The following CAMTA1 variants were observed in gnomAD, a reference collection of about 807,000 sequenced individuals.
CAMTA1 encodes calmodulin-binding transcription activator 1.
A neutral mutation model predicts 170.9 loss-of-function variants in CAMTA1; 27 were observed. The observed-to-expected ratio is 0.16, with a 90% CI of 0.12 to 0.22. The LOEUF is 0.22. Among genes scored for constraint, CAMTA1 ranks in the 10% least tolerant of loss-of-function variants. CAMTA1 has a pLI of 1.00. For missense variants in CAMTA1, 1,619 were observed against 2,217.2 expected, an observed-to-expected ratio of 0.73 and a Z score of 5.42; for synonymous variants, 833 against 891.5, an observed-to-expected ratio of 0.93 and a Z score of 1.17.
chr1:7,137,502 G>A (rs1645610853), intron 4 of CAMTA1, among the ~76,000 whole-genome samples: 1 of 152,132 alleles, frequency 6.6e-6, no homozygotes, highest in Non-Finnish European at 1.5e-5. Flanking sequence ...TATTTTAAAT[G>A]TACGATCCCC....
intron 4 of CAMTA1, among the ~76,000 whole-genome samples, chr1:7,136,416 G>C (rs1293929360): frequency 6.6e-6 from 1 of 152,062 alleles, no homozygotes; most frequent in East Asian, 1.9e-4. Flanking sequence ...GCATCACTCT[G>C]CAATTATTCC....
At chr1:7,109,408 G>T (rs918605663) in intron 4 of CAMTA1, among the ~76,000 whole-genome samples, 3 of 152,192 alleles carry the variant, frequency 2.0e-5, no homozygotes, top group African/African-American at 4.8e-5. Flanking sequence ...GGGTGGCACT[G>T]GGCAAAGCAT....
At chr1:7,116,290 C>A (rs1207782434) in intron 4 of CAMTA1, among the ~76,000 whole-genome samples, 1 of 152,184 alleles carries the variant, frequency 6.6e-6, no homozygotes, top group African/African-American at 2.4e-5. Context: ...CTTGTAGGTA[C>A]ATAAGTTAAA....
intron 3 of CAMTA1, among the ~76,000 whole-genome samples, chr1:6,840,073 G>A (rs941586612): frequency 1.3e-5 from 2 of 152,172 alleles, no homozygotes; most frequent in Non-Finnish European, 2.9e-5. Context: ...GGTGGCACAT[G>A]CCTGTAATCC....
At chr1:6,790,629 G>T (rs1341057162) in intron 1 of CAMTA1, among the ~76,000 whole-genome samples, 1 of 152,048 alleles carries the variant, frequency 6.6e-6, no homozygotes, top group East Asian at 1.9e-4. Flanking sequence ...TAGATAGTGA[G>T]AACTGTATGA....
intron 3 of CAMTA1, among the ~76,000 whole-genome samples, chr1:7,076,864 A>T (rs1639365682): frequency 6.6e-6 from 1 of 152,218 alleles, no homozygotes; most frequent in Non-Finnish European, 1.5e-5. Flanking sequence ...CCTCTGTAAA[A>T]TTCATGAATT....
chr1:7,664,846 A>G lies in CAMTA1; in HGVS notation c.2299A>G (p.Ile767Val), dbSNP rs2095987876. 1.9e-6 allele frequency: 3 copies of G among 1,613,502 alleles called. No individual in the cohort carries two copies. The highest frequency in any genetic ancestry group is 2.5e-6 in the Non-Finnish European group (3 of 1,180,020). The change falls in exon 9 of 23, where the codon ATC becomes GTC. Residue 767 changes from isoleucine to valine, a missense_variant. Ile to Val is a conservative substitution (Grantham distance 29, BLOSUM62 3). Around this residue, in one of 8 missense-constraint regions of CAMTA1, gnomAD observed 731 missense variants for 907.6 expected, o/e 0.81. Coordinates refer to ENST00000303635, the MANE Select transcript of CAMTA1 (RefSeq NM_015215.4). ...GGAGCTCAGCCTGGACCACTTTGACATCTCCTTCAGCAACCAGTTCTCCGA... is the reference window on the plus strand; with the variant it reads ...GGAGCTCAGCCTGGACCACTTTGACGTCTCCTTCAGCAACCAGTTCTCCGA... ...NMELSLDHFD[I>V]SFSNQFSDLI...
chr1:7,381,287 A>G (rs1322931162), intron 5 of CAMTA1, among the ~76,000 whole-genome samples: 2 of 149,482 alleles, frequency 1.3e-5, no homozygotes, highest in Non-Finnish European at 3.0e-5. Context: ...TATATCTCCC[A>G]ATGCTATCCC....
chr1:7,063,193 C>T lies in CAMTA1; in HGVS notation c.235-28111C>T, dbSNP rs561908194. Among the ~76,000 whole-genome samples, 3 of 152,226 alleles carry T rather than the reference C, an allele frequency of 2.0e-5. No individual in the cohort carries two copies. Among genetic ancestry groups the T allele is most frequent in the Non-Finnish European group, 4.4e-5 (3 of 68,020 alleles). ...GGATGCTGATCGGATAACCAGTGCC[C>T]GAAAAAATGTGGTTGTTGAATTTGC... On this transcript the variant is annotated intron_variant, in intron 3 of 22. Coordinates refer to ENST00000303635, the MANE Select transcript of CAMTA1 (RefSeq NM_015215.4). This position sits in a 1 kb window ranked among gnomAD's most constrained non-coding sequence, Gnocchi z 4.3.
At chr1:7,227,174 A>G (rs1363285736) in intron 4 of CAMTA1, among the ~76,000 whole-genome samples, 3 of 151,952 alleles carry the variant, frequency 2.0e-5, no homozygotes, top group African/African-American at 7.3e-5. Context: ...TCTTCCTATC[A>G]TAAACTAGGC....
chr1:7,270,304 T>C (rs1225699412), intron 5 of CAMTA1, among the ~76,000 whole-genome samples: 4 of 146,662 alleles, frequency 2.7e-5, no homozygotes, highest in Admixed American at 6.8e-5. Flanking sequence ...TTTTTTTTTT[T>C]TTCTTGTGAG....
chr1:7,572,421 A>C (rs935471154), intron 6 of CAMTA1, among the ~76,000 whole-genome samples: 8 of 152,192 alleles, frequency 5.3e-5, no homozygotes, highest in African/African-American at 1.9e-4. Flanking sequence ...GCCAGTTCCT[A>C]TATCCAGAAT....
chr1:7,188,907 A>T (rs150873199), intron 4 of CAMTA1, among the ~76,000 whole-genome samples: 2 of 152,346 alleles, frequency 1.3e-5, no homozygotes, highest in African/African-American at 4.8e-5. Context: ...TAGCAGCAGC[A>T]CCATTGTACC....
intron 4 of CAMTA1, among the ~76,000 whole-genome samples, chr1:7,140,750 A>G (rs1272215610): frequency 6.6e-6 from 1 of 152,186 alleles, no homozygotes; most frequent in Non-Finnish European, 1.5e-5. Flanking sequence ...AATATAATTA[A>G]ATTTTAAATT....
chr1:7,602,454 C>T (rs12096764), intron 6 of CAMTA1, among the ~76,000 whole-genome samples: 20,266 of 152,046 alleles, frequency 0.13, 1,460 homozygotes, highest in African/African-American at 0.14. Context: ...GAGGTCTTTA[C>T]AGTATTCTCT....
chr1:7,095,158 G>A (rs192762797), intron 4 of CAMTA1, among the ~76,000 whole-genome samples: 2 of 149,380 alleles, frequency 1.3e-5, no homozygotes, highest in African/African-American at 4.9e-5. Context: ...CCTAATTTAT[G>A]TATTCATTAC....
chr1:7,663,886 A>G lies in CAMTA1; in HGVS notation c.1339A>G (p.Thr447Ala). 1 of 1,613,682 alleles carries G rather than the reference A, an allele frequency of 6.2e-7. No individual in the cohort carries two copies. Among genetic ancestry groups the G allele is most frequent in the Non-Finnish European group, 8.5e-7 (1 of 1,179,992 alleles). Residue 447 changes from threonine (T) to alanine (A), a missense_variant, in exon 9 of 23, where the codon ACG (threonine) becomes GCG (alanine). Coordinates refer to ENST00000303635, the MANE Select transcript of CAMTA1 (RefSeq NM_015215.4). Reference protein sequence around the residue: ...SDGHKFAFPTTGSSESLSMLP... With the variant: ...SDGHKFAFPTAGSSESLSMLP... ...TGGCCACAAGTTCGCCTTTCCCACC[A>G]CGGGCAGCTCGGAGAGCCTGTCCAT... is the stretch of plus-strand genomic sequence containing the variant.
At chr1:7,461,653 A>G (rs1200538798) in intron 5 of CAMTA1, among the ~76,000 whole-genome samples, 1 of 152,210 alleles carries the variant, frequency 6.6e-6, no homozygotes, top group Non-Finnish European at 1.5e-5. Context: ...TTTTCCCAGA[A>G]TGGGAGGTCA....
chr1:6,945,500 C>T (rs751404794), intron 3 of CAMTA1, among the ~76,000 whole-genome samples: 2 of 152,030 alleles, frequency 1.3e-5, no homozygotes, highest in Non-Finnish European at 2.9e-5. Context: ...AGGTGTGCAC[C>T]ACTACGCCTG....
Sources: allele counts gnomAD v4.1 joint callset (sites outside exome capture counted in the v4.1 genomes callset), GRCh38; gene constraint gnomAD v4.1.1; regional missense constraint gnomAD v4.1.1; non-coding constraint Gnocchi (gnomAD v3.1); transcripts MANE v1.5; gene names NCBI Gene and HGNC (gene_info 2026-07-23, HGNC 2026-07-21).